AGBL1: variants seen among roughly 807,000 people sequenced by gnomAD.
AGBL1 encodes cytosolic carboxypeptidase 4.
AGBL1 carries 130 observed loss-of-function variants against 118.9 expected under a neutral mutation model. The ratio of observed to expected loss-of-function variants is 1.09; its 90% CI spans 0.95 to 1.26. The LOEUF is 1.26. Ranked by LOEUF, AGBL1 falls within the 50% of genes most tolerant of loss-of-function variation. The pLI, the probability that AGBL1 is intolerant of heterozygous loss-of-function variation, is 0.00. For synonymous variants in AGBL1, 555 were observed against 478.9 expected (o/e 1.16, Z -2.08); for missense variants, 1,584 against 1,298.1 (o/e 1.22, Z -3.38).
At chr15:86,827,217 G>T (rs1196460838) in intron 22 of AGBL1, among the ~76,000 whole-genome samples, 1 of 144,078 alleles carries the variant, frequency 6.9e-6, no homozygotes, top group African/African-American at 2.6e-5. Context: ...CTCTAGAGTT[G>T]GGGTATAAGA....
intron 19 of AGBL1, among the ~76,000 whole-genome samples, chr15:86,532,181 C>T (rs1378804605): frequency 1.3e-5 from 2 of 150,046 alleles, no homozygotes; most frequent in Non-Finnish European, 3.0e-5. Flanking sequence ...TCCCTGTTTG[C>T]AGACAACATG....
intron 17 of AGBL1, among the ~76,000 whole-genome samples, chr15:86,301,689 T>A (rs908022224): frequency 1.0e-5 from 1 of 97,616 alleles, no homozygotes; most frequent in South Asian, 3.1e-4. Context: ...TGTGTGTGTG[T>A]GTGTGATGTC....
intron 24 of AGBL1, among the ~76,000 whole-genome samples, chr15:87,024,227 AGACC>A (rs2081700085): frequency 6.6e-6 from 1 of 152,062 alleles, no homozygotes; most frequent in African/African-American, 2.4e-5. Context: ...TGAAACTGAT[AGACC>A]ATTAGCAAGA....
intron 18 of AGBL1, among the ~76,000 whole-genome samples, chr15:86,512,068 T>A (rs2083058812): frequency 6.6e-6 from 1 of 151,944 alleles, no homozygotes; most frequent in Non-Finnish European, 1.5e-5. Flanking sequence ...GAATATACGT[T>A]TATGAAATAA....
chr15:86,671,287 C>CAAAT (rs915802635), intron 21 of AGBL1, among the ~76,000 whole-genome samples: 1 of 152,150 alleles, frequency 6.6e-6, no homozygotes, highest in African/African-American at 2.4e-5. Flanking sequence ...AACAAACAAA[C>CAAAT]AGGAGAATGG....
intron 18 of AGBL1, among the ~76,000 whole-genome samples, chr15:86,428,005 G>C (rs1399662479): frequency 6.6e-6 from 1 of 152,152 alleles, no homozygotes; most frequent in Non-Finnish European, 1.5e-5. Flanking sequence ...AGGTATCTCT[G>C]ACCCTCCATT....
At chr15:86,217,013 A>C (rs1252704531) in intron 5 of AGBL1, among the ~76,000 whole-genome samples, 1 of 152,088 alleles carries the variant, frequency 6.6e-6, no homozygotes, top group Non-Finnish European at 1.5e-5. Context: ...ATTTTTATTT[A>C]TATGTTGCTT....
intron 22 of AGBL1, among the ~76,000 whole-genome samples, chr15:86,684,746 T>C (rs994890076): frequency 1.3e-5 from 2 of 152,092 alleles, no homozygotes; most frequent in African/African-American, 2.4e-5. Context: ...TACTCTCAGA[T>C]TTTTTGGCTT....
rs772531998 is a variant in AGBL1, at chr15:86,286,776, G to A, written c.2220+6993G>A. On this transcript the variant is annotated intron_variant, in intron 16 of 22. Coordinates refer to ENST00000614907, the MANE Select transcript of AGBL1 (RefSeq NM_001386094.1). ...AACTCCATCAATGCGCACTGTGGTC[G>A]TTTCCATATCTTGGCTCCTGTGAAT... 4.5e-4 allele frequency among the ~76,000 whole-genome samples: 51 copies of A among 112,370 alleles called. 2 individuals are homozygous for A. The highest frequency in any genetic ancestry group is 6.8e-4 in the East Asian group (3 of 4,380). 73.7% of individuals were successfully genotyped at this position (112,370 alleles called of 152,430 possible). A position where few individuals can be genotyped will look rare whatever the true frequency, so the allele number is the denominator to read the frequency against.
At position 86,158,936 on chromosome 15, in the gene AGBL1, C is replaced by T. The variant is rs751561654; in HGVS notation, c.398C>T (p.Ser133Phe). The stretch of plus-strand genomic sequence containing the variant: ...ACTGTGCTTTTGTTTTTCTTAGTCT[C>T]CATGGGAGCCATGCTGGGAATTAAT... ...WALRVFASSV[S>F]MGAMLGINGA... The change falls in exon 5 of 23, where the codon TCC becomes TTC. Residue 133 changes from serine to phenylalanine, a missense_variant. By Grantham distance (155) the Ser-to-Phe change is radical. Transcript: ENST00000614907. The T allele has an allele frequency of 6.2e-7, 1 of 1,613,150 alleles. No homozygotes were observed. The highest frequency in any genetic ancestry group is 8.5e-7 in the Non-Finnish European group (1 of 1,179,298).
intron 1 of AGBL1, among the ~76,000 whole-genome samples, chr15:86,121,962 G>T (rs1344741177): frequency 3.3e-5 from 5 of 152,164 alleles, no homozygotes. Flanking sequence ...AAACTTAAGG[G>T]AAAGAAAGCC....
chr15:86,542,316 T>C (rs1434714318), intron 19 of AGBL1, among the ~76,000 whole-genome samples: 1 of 151,376 alleles, frequency 6.6e-6, no homozygotes, highest in Non-Finnish European at 1.5e-5. Flanking sequence ...GTAGTTGTTC[T>C]CCTTTGAAGG....
chr15:86,775,636 C>T (rs1162206043), intron 22 of AGBL1, among the ~76,000 whole-genome samples: 2 of 152,086 alleles, frequency 1.3e-5, no homozygotes, highest in Non-Finnish European at 2.9e-5. Context: ...ATTCAAAAGT[C>T]TATTTAAAAT....
chr15:86,830,600 A>G (rs2079091555), intron 22 of AGBL1, among the ~76,000 whole-genome samples: 1 of 152,124 alleles, frequency 6.6e-6, no homozygotes, highest in Non-Finnish European at 1.5e-5. Flanking sequence ...GTTCTCCCTG[A>G]TCTAGCTACT....
intron 22 of AGBL1, among the ~76,000 whole-genome samples, chr15:86,879,839 T>C (rs916314486): frequency 1.3e-5 from 2 of 152,154 alleles, no homozygotes; most frequent in Non-Finnish European, 1.5e-5. Flanking sequence ...AGCCACATCA[T>C]CTTTTGCCAC....
At chr15:86,737,643 G>T (rs1262865094) in intron 22 of AGBL1, among the ~76,000 whole-genome samples, 1 of 152,126 alleles carries the variant, frequency 6.6e-6, no homozygotes, top group Non-Finnish European at 1.5e-5. Flanking sequence ...TGACATCTGG[G>T]AGAATGAGCA....
chr15:86,562,512 A>T (rs557929144), intron 21 of AGBL1, among the ~76,000 whole-genome samples: 2 of 152,314 alleles, frequency 1.3e-5, no homozygotes, highest in East Asian at 1.9e-4. Context: ...CATGGTGGAT[A>T]AGCTTTTTGA....
At chr15:86,453,578 T>C (rs2082223620) in intron 18 of AGBL1, among the ~76,000 whole-genome samples, 1 of 152,234 alleles carries the variant, frequency 6.6e-6, no homozygotes, top group African/African-American at 2.4e-5. Flanking sequence ...TGCCTGAATT[T>C]ACTGCTGCAG....
intron 22 of AGBL1, among the ~76,000 whole-genome samples, chr15:86,853,666 TA>T (rs573450996): frequency 2.0e-4 from 30 of 152,304 alleles, no homozygotes; most frequent in Admixed American, 5.9e-4. Flanking sequence ...CTCAACTTTT[TA>T]AAGCATGTAA....
Sources: allele counts gnomAD v4.1 joint callset (sites outside exome capture counted in the v4.1 genomes callset), GRCh38; gene constraint gnomAD v4.1.1; transcripts MANE v1.5; gene names NCBI Gene and HGNC (gene_info 2026-07-23, HGNC 2026-07-21).